DOCK1: variants seen among roughly 807,000 people sequenced by gnomAD.
The protein encoded by DOCK1 is dedicator of cytokinesis protein 1.
DOCK1 carries 138 observed loss-of-function variants against 262.7 expected under a neutral mutation model. That is an observed-to-expected ratio of 0.53 (90% CI 0.46 to 0.61). The LOEUF is 0.61. DOCK1 is among the 20% of genes least tolerant of loss of function. The pLI is 0.00. For synonymous variants in DOCK1, 866 were observed against 867.4 expected (o/e 1.00, Z 0.03); for missense variants, 1,908 against 2,370.7 (o/e 0.80, Z 4.05).
At chr10:127,154,171 A>C (rs1295447409) in intron 27 of DOCK1, among the ~76,000 whole-genome samples, 2 of 152,248 alleles carry the variant, frequency 1.3e-5, no homozygotes, top group African/African-American at 2.4e-5. Flanking sequence ...GAAGTAAATA[A>C]TATGATTTCG....
chr10:127,039,124 G>T (rs551311520), intron 19 of DOCK1, among the ~76,000 whole-genome samples: 1 of 152,112 alleles, frequency 6.6e-6, no homozygotes, highest in Non-Finnish European at 1.5e-5. Context: ...TAATTTGGTC[G>T]CACCAGTTTC....
intron 21 of DOCK1, among the ~76,000 whole-genome samples, chr10:127,049,812 A>G (rs2044593893): frequency 6.6e-6 from 1 of 152,154 alleles, no homozygotes; most frequent in African/African-American, 2.4e-5. Context: ...TTCAAGATTT[A>G]TTATTAAACA....
chr10:127,433,510 A>T, intron 48 of DOCK1, 82 bp downstream of exon 48: 1 of 1,485,000 alleles, frequency 6.7e-7, no homozygotes, highest in Non-Finnish European at 9.0e-7. Flanking sequence ...CTCTGGGTTT[A>T]TTTTCTTACA....
chr10:127,299,581 G>T (rs1422432032), intron 29 of DOCK1, among the ~76,000 whole-genome samples: 1 of 152,176 alleles, frequency 6.6e-6, no homozygotes, highest in Non-Finnish European at 1.5e-5. Context: ...TCTTCCAGAC[G>T]GGCTTCAGAG....
At chr10:126,935,148 C>A (rs1420037068) in intron 1 of DOCK1, among the ~76,000 whole-genome samples, 1 of 152,170 alleles carries the variant, frequency 6.6e-6, no homozygotes, top group Non-Finnish European at 1.5e-5. Flanking sequence ...GGAATGTAGA[C>A]TATTATATCA....
rs1564922803 is a variant in DOCK1 at position 127,234,294 on chromosome 10, G to A, written c.2848-13714G>A. 2.6e-5 allele frequency among the ~76,000 whole-genome samples: 4 copies of A among 152,146 alleles called. No homozygotes were observed. The East Asian group carries it at 7.7e-4, about 29-fold the overall frequency. On this transcript the variant is annotated intron_variant, in intron 27 of 51. Coordinates refer to ENST00000623213, the MANE Select transcript of DOCK1 (RefSeq NM_001290223.2). The stretch of plus-strand genomic sequence containing the variant: ...ATTTAGAAACCCTCTCCAAAGTGGG[G>A]GAAAAATAGTTTGGAAGTAATAGGA...
Position 127,382,604 on chromosome 10 carries a change from A to G in DOCK1, c.3807+1236A>G, listed in dbSNP as rs528350983. On this transcript the variant is annotated intron_variant, in intron 37 of 51. Coordinates refer to ENST00000623213, the MANE Select transcript of DOCK1 (RefSeq NM_001290223.2). Reference sequence around the variant, plus strand: ...ATGGAAATTTCAGTTGGTACATCTGATACCAGCTATCCCACTATGAATTCT... The same window carrying G: ...ATGGAAATTTCAGTTGGTACATCTGGTACCAGCTATCCCACTATGAATTCT... Among the ~76,000 whole-genome samples, 383 of 152,312 alleles carry G rather than the reference A, an allele frequency of 2.5e-3. 2 individuals are homozygous for G. The highest frequency in any genetic ancestry group is 8.6e-3 in the African/African-American group (359 of 41,574).
chr10:127,332,544 A>G (rs1378809613), intron 29 of DOCK1, among the ~76,000 whole-genome samples: 1 of 151,954 alleles, frequency 6.6e-6, no homozygotes, highest in African/African-American at 2.4e-5. Flanking sequence ...CCAGAGCCCC[A>G]CATCCCCGTC....
chr10:127,111,436 A>G (rs1260983513), intron 25 of DOCK1, among the ~76,000 whole-genome samples: 2 of 152,186 alleles, frequency 1.3e-5, no homozygotes, highest in Non-Finnish European at 2.9e-5. Flanking sequence ...TTCATAAAAG[A>G]AAGTCAGTTC....
At chr10:127,231,028 G>T (rs1429977616) in intron 27 of DOCK1, among the ~76,000 whole-genome samples, 1 of 151,670 alleles carries the variant, frequency 6.6e-6, no homozygotes, top group Non-Finnish European at 1.5e-5. Flanking sequence ...CTCTTTCTTG[G>T]TTTAATTATT....
chr10:126,997,505 G>T (rs199907612), intron 7 of DOCK1, among the ~76,000 whole-genome samples: 5 of 144,448 alleles, frequency 3.5e-5, no homozygotes, highest in African/African-American at 5.1e-5. Context: ...GTGCGGGGGG[G>T]TGCTACACGC....
chr10:127,427,229 G>A (rs2068873675), intron 47 of DOCK1, among the ~76,000 whole-genome samples: 1 of 152,218 alleles, frequency 6.6e-6, no homozygotes, highest in South Asian at 2.1e-4. Context: ...GCAAAAGGAA[G>A]GCGAGCTGTG....
chr10:127,038,062 C>T (rs1231850913), intron 19 of DOCK1, among the ~76,000 whole-genome samples: 16 of 151,720 alleles, frequency 1.1e-4, no homozygotes, highest in African/African-American at 2.4e-4. Context: ...GGAGAAACCC[C>T]GTCTCTACTA....
chr10:126,918,361 C>T (rs944483971), intron 1 of DOCK1, among the ~76,000 whole-genome samples: 8 of 152,364 alleles, frequency 5.3e-5, no homozygotes, highest in Admixed American at 2.0e-4. Flanking sequence ...CCTACTGGTG[C>T]GTGGCGGTAG....
At chr10:127,213,376 A>C (rs2134355054) in intron 27 of DOCK1, among the ~76,000 whole-genome samples, 1 of 152,328 alleles carries the variant, frequency 6.6e-6, no homozygotes, top group East Asian at 1.9e-4. Flanking sequence ...GAATGTTCCC[A>C]AGAAAGGTCT....
intron 19 of DOCK1, 59 bp from the exon 20 acceptor site, chr10:127,042,566 A>AGT: frequency 7.0e-7 from 1 of 1,434,394 alleles, no homozygotes; most frequent in Non-Finnish European, 9.8e-7. Flanking sequence ...TAGTTATTCC[A>AGT]GTGTGTGGGG....
intron 23 of DOCK1, among the ~76,000 whole-genome samples, chr10:127,094,098 G>GT (rs930710478): frequency 6.6e-6 from 1 of 152,172 alleles, no homozygotes; most frequent in African/African-American, 2.4e-5. Context: ...GGAGGCTGAG[G>GT]TGGGAGTATC....
chr10:127,140,445 G>GC (rs2051119639), intron 27 of DOCK1, among the ~76,000 whole-genome samples: 1 of 152,096 alleles, frequency 6.6e-6, no homozygotes, highest in South Asian at 2.1e-4. Flanking sequence ...CCTGAGGTCC[G>GC]CCCCCCAGCC....
chr10:127,074,119 A>C (rs1247354715), intron 23 of DOCK1, among the ~76,000 whole-genome samples: 2 of 152,254 alleles, frequency 1.3e-5, no homozygotes, highest in African/African-American at 4.8e-5. Context: ...GTTATATTGA[A>C]TACTTGCAAA....
Sources: allele counts gnomAD v4.1 joint callset (sites outside exome capture counted in the v4.1 genomes callset), GRCh38; gene constraint gnomAD v4.1.1; transcripts MANE v1.5; gene names NCBI Gene and HGNC (gene_info 2026-07-23, HGNC 2026-07-21).